Variants in BCLAF1 observed in about 807,000 individuals in gnomAD.
BCLAF1 encodes BCL2 associated transcription factor 1.
A neutral mutation model predicts 99.5 loss-of-function variants in BCLAF1; 10 were observed. The ratio of observed to expected loss-of-function variants is 0.10; its 90% confidence interval spans 0.06 to 0.17. The LOEUF (loss-of-function observed/expected upper bound fraction) is 0.17, where lower values mean the gene tolerates loss of function less well. BCLAF1 is among the 10% of genes least tolerant of loss of function. BCLAF1 has a pLI of 1.00. For missense variants in BCLAF1, 636 were observed against 1,105.8 expected (o/e 0.58, Z 6.02); for synonymous variants, 255 against 370.9 (o/e 0.69, Z 3.59).
At chr6:136,282,828 G>A (rs1301908313) in intron 1 of BCLAF1, 141 bp from the exon 2 acceptor site, 1 of 152,110 alleles carries the variant, frequency 6.6e-6, no homozygotes, top group African/African-American at 2.4e-5. Context: ...TCAGGAAATA[G>A]GAAACTTTTA....
intron 9 of BCLAF1, chr6:136,268,648 GGAAGA>G (rs1441900322): frequency 1.2e-5 from 3 of 241,164 alleles, no homozygotes; most frequent in African/African-American, 2.3e-5. Flanking sequence ...TTTAATGAAA[GGAAGA>G]GAAGAGTAGG....
At chr6:136,262,691 C>G (rs138094710) in intron 11 of BCLAF1, among the ~76,000 whole-genome samples, 2 of 152,154 alleles carry the variant, frequency 1.3e-5, no homozygotes, top group East Asian at 3.8e-4. Context: ...AATTTAAATA[C>G]GGCAGAGTTT....
intron 6 of BCLAF1, among the ~76,000 whole-genome samples, chr6:136,274,444 ACAGTAATATGGTCATAAACTGGTT>A (rs1445945233): frequency 6.6e-6 from 1 of 152,040 alleles, no homozygotes; most frequent in African/African-American, 2.4e-5. Flanking sequence ...TTTATGTACC[ACAGTAATATGGTCATAAACTGGTT>A]CACAAACCTA....
At chr6:136,284,682 A>G (rs775753383) in intron 1 of BCLAF1, among the ~76,000 whole-genome samples, 40 of 152,228 alleles carry the variant, frequency 2.6e-4, no homozygotes, top group Admixed American at 6.5e-4. Flanking sequence ...ATAACTTGAG[A>G]TAAGTGCCTT....
chr6:136,268,929 GA>G (rs1235549926), intron 9 of BCLAF1, among the ~76,000 whole-genome samples: 1 of 151,816 alleles, frequency 6.6e-6, no homozygotes, highest in Non-Finnish European at 1.5e-5. Context: ...TGCAACACCC[GA>G]AAAGGTCATA....
intron 6 of BCLAF1, chr6:136,273,833 TTTTAAAACCA>T: frequency 2.2e-6 from 1 of 447,026 alleles, no homozygotes; most frequent in Non-Finnish European, 3.1e-6. Context: ...TACTGATTAT[TTTTAAAACCA>T]GTTCAAGATA....
chr6:136,265,622 G>T (rs896812863), intron 11 of BCLAF1, among the ~76,000 whole-genome samples: 1 of 152,210 alleles, frequency 6.6e-6, no homozygotes, highest in East Asian at 1.9e-4. Flanking sequence ...AGCCATCTGA[G>T]TACTAGAGTT....
intron 1 of BCLAF1, among the ~76,000 whole-genome samples, chr6:136,283,783 T>C (rs1784696831): frequency 6.6e-6 from 1 of 152,060 alleles, no homozygotes; most frequent in Admixed American, 6.6e-5. Context: ...GCCCTCCAAC[T>C]GGGGAGAGAT....
In BCLAF1 at chr6:136,266,680, G is replaced by C. The variant is rs143449154; in HGVS notation, c.2544+349C>G. On this transcript the variant is annotated intron_variant, in intron 11 of 12. Transcript: ENST00000531224. ...TAAACAAATAGCTATGATAATGGAA[G>C]GTACATCTTAATGTGAAGTTTCTAC... is the stretch of plus-strand genomic sequence containing the variant. Among the ~76,000 whole-genome samples the C allele has an allele frequency of 5.9e-3, 893 of 152,086 alleles. 9 individuals are homozygous for C. The highest frequency in any genetic ancestry group is 0.021 in the African/African-American group (851 of 41,494).
In BCLAF1 at chr6:136,282,682, G is replaced by C. The variant is rs369834492; in HGVS notation, c.-109C>G. ...CTCTGAGAAATTAAACTCTAAATTCGAATTCCTAGCAAAGACAAAAAAACC... is the reference window on the plus strand; with the variant it reads ...CTCTGAGAAATTAAACTCTAAATTCCAATTCCTAGCAAAGACAAAAAAACC... On this transcript the variant is annotated 5_prime_UTR_variant, in exon 2 of 13. Coordinates refer to ENST00000531224, the MANE Select transcript of BCLAF1 (RefSeq NM_014739.3). 3.3e-5 allele frequency: 5 copies of C among 152,140 alleles called. No individual in the cohort carries two copies. In the East Asian group the frequency reaches 5.8e-4, roughly 18 times the overall value. The allele number at this position is 152,140 out of a possible 1,614,324, so 9.4% of individuals were successfully genotyped here. A position where few individuals can be genotyped will look rare whatever the true frequency, so the allele number is the denominator to read the frequency against.
rs757751597 is a variant in BCLAF1, at chr6:136,261,420, T to A, written c.2602A>T (p.Thr868Ser). 3.1e-6 allele frequency: 5 copies of A among 1,613,880 alleles called. No individual in the cohort carries two copies. In the South Asian group the frequency reaches 5.5e-5, roughly 18 times the overall value. ...AAGCGCCCTCTGCCACGTTGAAAAGTACCACGACCTCTTCCTCTTTTGGCC... is the reference window on the plus strand; with the variant it reads ...AAGCGCCCTCTGCCACGTTGAAAAGAACCACGACCTCTTCCTCTTTTGGCC... ...YWAKRGRGRG[T>S]FQRGRGRFNF... The change falls in exon 12 of 13, where the codon ACT (threonine) becomes TCT (serine). Residue 868 changes from threonine (T) to serine (S), a missense_variant. Thr to Ser is a moderately conservative substitution (Grantham distance 58). Transcript: ENST00000531224.
chr6:136,278,804 G>C, intron 3 of BCLAF1, 28 bp from the exon 4 acceptor site: 1 of 1,454,592 alleles, frequency 6.9e-7, no homozygotes, highest in Non-Finnish European at 9.1e-7. Context: ...ATCAATGCAA[G>C]AAAAATAAAG....
In BCLAF1 at chr6:136,271,944, C is replaced by G. The variant is rs139093461; in HGVS notation, c.2043+51G>C. The G allele has an allele frequency of 2.4e-5, 32 of 1,315,512 alleles. No homozygotes were observed. In the East Asian group the frequency reaches 7.0e-4, roughly 29 times the overall value. 81.5% of individuals were successfully genotyped at this position (1,315,512 alleles called of 1,614,324 possible). On this transcript the variant is annotated intron_variant, in intron 8 of 12. Coordinates refer to ENST00000531224, the MANE Select transcript of BCLAF1 (RefSeq NM_014739.3). ...TGAGAAACTATATTTGGTACAATAT[C>G]ATTAACTAAGCTGAACTTAACACGA...
At chr6:136,284,158 A>ATATATATC (rs1421101274) in intron 1 of BCLAF1, among the ~76,000 whole-genome samples, 6 of 144,012 alleles carry the variant, frequency 4.2e-5, no homozygotes, top group African/African-American at 1.5e-4. Flanking sequence ...ATATATATAT[A>ATATATATC]TCCAGAGAAG....
intron 1 of BCLAF1, among the ~76,000 whole-genome samples, chr6:136,286,927 C>G (rs1785216410): frequency 6.6e-6 from 1 of 152,118 alleles, no homozygotes; most frequent in African/African-American, 2.4e-5. Context: ...ATGATCATGC[C>G]ACTGCACTCC....
rs780278394 is a variant in BCLAF1 at position 136,261,423 on chromosome 6, C to A, written c.2599G>T (p.Gly867Cys). ...DYWAKRGRGR[G>C]TFQRGRGRFN... is the part of the protein sequence containing the mutation. ...CGCCCTCTGCCACGTTGAAAAGTAC[C>A]ACGACCTCTTCCTCTTTTGGCCCAA... is the stretch of plus-strand genomic sequence containing the variant. Residue 867 changes from glycine (G) to cysteine (C), a missense_variant, in exon 12 of 13, where the codon GGT (glycine) becomes TGT (cysteine). By Grantham distance (159) the Gly-to-Cys change is radical. This residue lies in a region of BCLAF1 where 57 missense variants were observed against 116.7 expected (regional missense o/e 0.49). Transcript: ENST00000531224. 1 of 1,613,638 alleles carries A rather than the reference C, an allele frequency of 6.2e-7. No homozygotes were observed. Among genetic ancestry groups the A allele is most frequent in the Non-Finnish European group, 8.5e-7 (1 of 1,179,826 alleles).
In BCLAF1 at chr6:136,287,886, T is replaced by C. The variant is rs559788240; in HGVS notation, c.-115+1827A>G. Among the ~76,000 whole-genome samples the C allele has an allele frequency of 4.9e-4, 74 of 152,146 alleles. 1 individual carries two copies. The highest frequency in any genetic ancestry group is 1.7e-3 in the African/African-American group (71 of 41,512). On this transcript the variant is annotated intron_variant, in intron 1 of 12. Transcript: ENST00000531224. ...AAATACAAAAATTAGCCCGGTGTGG[T>C]GGCGGGCGCCTGTAGTCCCAGCTAC...
intron 1 of BCLAF1, among the ~76,000 whole-genome samples, 155 bp downstream of exon 1, chr6:136,289,558 G>A (rs1351699085): frequency 6.6e-6 from 1 of 152,190 alleles, no homozygotes; most frequent in Non-Finnish European, 1.5e-5. Flanking sequence ...GAAAACCTGA[G>A]AGAAGCTAAC....
intron 10 of BCLAF1, among the ~76,000 whole-genome samples, chr6:136,267,533 G>C (rs933997691): frequency 6.6e-6 from 1 of 151,886 alleles, no homozygotes; most frequent in East Asian, 1.9e-4. Flanking sequence ...CACCATACAA[G>C]CAAAGCTCTT....
Sources: gnomAD v4.1 joint callset for allele counts (sites outside exome capture counted in the v4.1 genomes callset) on GRCh38, gnomAD v4.1.1 for gene constraint, gnomAD v4.1.1 regional missense constraint, MANE v1.5 for transcripts, NCBI Gene and HGNC (gene_info 2026-07-23, HGNC 2026-07-21) for gene names.